Variants in MS4A13 observed in about 807,000 individuals in gnomAD.
MS4A13 encodes the protein membrane-spanning 4-domains subfamily A member 13.
MS4A13 carries 21 observed loss-of-function variants against 18.4 expected under a neutral mutation model. The observed-to-expected ratio is 1.14, with a 90% CI of 0.81 to 1.64. The LOEUF (loss-of-function observed/expected upper bound fraction) is 1.64, where lower values mean the gene tolerates loss of function less well. MS4A13 is among the 40% of genes most tolerant of loss of function. The pLI is 0.00. For missense variants in MS4A13, 173 were observed against 176.8 expected (o/e 0.98, Z 0.12); for synonymous variants, 62 against 57.2 (o/e 1.08, Z -0.38).
rs1020917522 is a variant in MS4A13, at chr11:60,524,026, A to G, written c.186+73A>G. On this transcript the variant is annotated intron_variant, in intron 4 of 6. Transcript: ENST00000378186. ...CTAAATATTAAGTTTTAATGAAAATATAACGTCTAAACAATGAAGGAATCT... is the reference window on the plus strand; with the variant it reads ...CTAAATATTAAGTTTTAATGAAAATGTAACGTCTAAACAATGAAGGAATCT... 6.5e-6 allele frequency: 6 copies of G among 923,792 alleles called. No homozygotes were observed. In the Admixed American group the frequency reaches 1.0e-4, roughly 15 times the overall value. 57.2% of individuals were successfully genotyped at this position (923,792 alleles called of 1,614,324 possible).
intron 4 of MS4A13, among the ~76,000 whole-genome samples, chr11:60,524,794 G>A (rs2086701730): frequency 6.6e-6 from 1 of 151,702 alleles, no homozygotes; most frequent in Non-Finnish European, 1.5e-5. Context: ...CAAGTAGCTG[G>A]GCCTACAGGT....
intron 6 of MS4A13, among the ~76,000 whole-genome samples, chr11:60,539,612 G>C (rs1175579194): frequency 6.6e-6 from 1 of 151,868 alleles, no homozygotes; most frequent in Non-Finnish European, 1.5e-5. Flanking sequence ...CATCCAAAAA[G>C]CTCAAGGATC....
intron 5 of MS4A13, among the ~76,000 whole-genome samples, chr11:60,525,733 T>C (rs1274388159): frequency 6.6e-6 from 1 of 152,142 alleles, no homozygotes; most frequent in African/African-American, 2.4e-5. Flanking sequence ...TGGCTTAACA[T>C]AGAATTTTTC....
intron 3 of MS4A13, among the ~76,000 whole-genome samples, chr11:60,522,239 G>GATATATATATATATATCTATAT (rs55942628): frequency 2.2e-5 from 3 of 133,890 alleles, no homozygotes; most frequent in Non-Finnish European, 4.7e-5. Context: ...TAGATAGATA[G>GATATATATATATATATCTATAT]ATGTATATAT....
intron 6 of MS4A13, among the ~76,000 whole-genome samples, chr11:60,542,272 G>GGAAA (rs953564629): frequency 1.4e-5 from 2 of 143,674 alleles, no homozygotes; most frequent in African/African-American, 2.6e-5. Flanking sequence ...GAAAGAAAAA[G>GGAAA]GAAAGAAAGA....
At chr11:60,532,707 C>A (rs1207583644) in intron 6 of MS4A13, among the ~76,000 whole-genome samples, 1 of 147,634 alleles carries the variant, frequency 6.8e-6, no homozygotes, top group Non-Finnish European at 1.5e-5. Flanking sequence ...GTAGGCTCCA[C>A]CTCTGGGGGC....
At chr11:60,519,667 T>C (rs2086660651) in intron 3 of MS4A13, among the ~76,000 whole-genome samples, 1 of 152,202 alleles carries the variant, frequency 6.6e-6, no homozygotes, top group South Asian at 2.1e-4. Flanking sequence ...GCTGCATGAG[T>C]GCAACCATGC....
Position 60,522,235 on chromosome 11 carries a change from G to GTATATATATATATATATATCT in MS4A13, c.130-1662_130-1661insTATATATATATATATATATCT, listed in dbSNP as rs1555023672. On this transcript the variant is annotated intron_variant, in intron 3 of 6. Transcript: ENST00000378186. ...AGATAGATAGATAGATAGATAGATA[G>GTATATATATATATATATATCT]ATAGATGTATATATATAGATATATA... is the stretch of plus-strand genomic sequence containing the variant. 2.2e-3 allele frequency among the ~76,000 whole-genome samples: 247 copies of GTATATATATATATATATATCT among 112,170 alleles called. 4 individuals are homozygous for GTATATATATATATATATATCT. In the South Asian group the frequency reaches 0.034, roughly 15 times the overall value. 73.6% of individuals were successfully genotyped at this position (112,170 alleles called of 152,430 possible).
intron 5 of MS4A13, among the ~76,000 whole-genome samples, chr11:60,527,361 C>CCTCTCTCTCTCT (rs2086722035): frequency 1.3e-5 from 1 of 77,054 alleles, no homozygotes; most frequent in African/African-American, 5.3e-5. Context: ...TCATTCATTC[C>CCTCTCTCTCTCT]GTCTCTCTCT....
At chr11:60,527,495 C>T (rs2086727651) in intron 5 of MS4A13, among the ~76,000 whole-genome samples, 2 of 150,270 alleles carry the variant, frequency 1.3e-5, no homozygotes, top group African/African-American at 2.4e-5. Context: ...AACCTTTTGC[C>T]GCTTTCAGTC....
chr11:60,516,286 C>A (rs2086637136), intron 2 of MS4A13, among the ~76,000 whole-genome samples: 1 of 151,460 alleles, frequency 6.6e-6, no homozygotes, highest in Non-Finnish European at 1.5e-5. Flanking sequence ...ACAGACTAAA[C>A]CAACACACAC....
intron 5 of MS4A13, among the ~76,000 whole-genome samples, chr11:60,527,594 G>C (rs2086728578): frequency 6.6e-6 from 1 of 152,092 alleles, no homozygotes; most frequent in South Asian, 2.1e-4. Flanking sequence ...CCAGCACTTT[G>C]GAAGGCCAAG....
chr11:60,521,801 C>A (rs1053699161), intron 3 of MS4A13, among the ~76,000 whole-genome samples: 1 of 152,186 alleles, frequency 6.6e-6, no homozygotes, highest in Non-Finnish European at 1.5e-5. Flanking sequence ...CAGCACCCCA[C>A]TCCTGGTGCC....
At chr11:60,521,810 C>T (rs2086675704) in intron 3 of MS4A13, among the ~76,000 whole-genome samples, 1 of 152,142 alleles carries the variant, frequency 6.6e-6, no homozygotes, top group African/African-American at 2.4e-5. Context: ...ACTCCTGGTG[C>T]CAATTTATTG....
chr11:60,527,410 C>CTCTGTGTGTGTGTGTGTGTGTG (rs1555024373), intron 5 of MS4A13, among the ~76,000 whole-genome samples: 1 of 28,788 alleles, frequency 3.5e-5, no homozygotes, highest in Non-Finnish European at 5.7e-5. Flanking sequence ...CTCTCTCTCT[C>CTCTGTGTGTGTGTGTGTGTGTG]TGTGTGTGTG....
chr11:60,541,724 GT>G (rs758712468), intron 6 of MS4A13, among the ~76,000 whole-genome samples: 8 of 152,148 alleles, frequency 5.3e-5, no homozygotes, highest in Non-Finnish European at 1.2e-4. Context: ...TAAGATTTAT[GT>G]TCAAGAAGAC....
At chr11:60,527,946 T>G in intron 5 of MS4A13, among the ~76,000 whole-genome samples, 1 of 152,238 alleles carries the variant, frequency 6.6e-6, no homozygotes, top group Non-Finnish European at 1.5e-5. Flanking sequence ...AATGTTATGA[T>G]TATGATTGTG....
At chr11:60,530,835 C>T (rs1241075854) in intron 6 of MS4A13, among the ~76,000 whole-genome samples, 1 of 152,200 alleles carries the variant, frequency 6.6e-6, no homozygotes, top group Non-Finnish European at 1.5e-5. Flanking sequence ...AGTGAGTTCT[C>T]ATGAGATCTG....
intron 5 of MS4A13, among the ~76,000 whole-genome samples, chr11:60,526,513 A>G (rs570974821): frequency 8.5e-5 from 13 of 152,364 alleles, no homozygotes; most frequent in African/African-American, 1.4e-4. Context: ...TCTGAACTCA[A>G]TGATAACGAC....
Sources: gnomAD v4.1 joint callset for allele counts (sites outside exome capture counted in the v4.1 genomes callset) on GRCh38, gnomAD v4.1.1 for gene constraint, MANE v1.5 for transcripts, NCBI Gene and HGNC (gene_info 2026-07-23, HGNC 2026-07-21) for gene names.